Variants in ROBO2 observed in about 807,000 individuals in gnomAD.
The protein encoded by ROBO2 is roundabout homolog 2.
ROBO2 carries 53 observed loss-of-function variants against 160.8 expected under a neutral mutation model. That is an observed-to-expected ratio of 0.33 (90% CI 0.26 to 0.41). The LOEUF is 0.41. Ranked by LOEUF, ROBO2 falls within the 10% of genes least tolerant of loss-of-function variation. The probability of loss-of-function intolerance (pLI) is 1.00; values close to 1 mark genes in which losing one functional copy is unlikely to be tolerated. For missense variants in ROBO2, 1,577 were observed against 1,722.4 expected (o/e 0.92, Z 1.49); for synonymous variants, 664 against 611.7 (o/e 1.09, Z -1.26).
At chr3:77,538,395 T>C (rs1384467635) in intron 6 of ROBO2, among the ~76,000 whole-genome samples, 2 of 151,984 alleles carry the variant, frequency 1.3e-5, no homozygotes, top group East Asian at 1.9e-4. Flanking sequence ...GCCAGGATGG[T>C]CTCGATCTCC....
At chr3:77,155,911 C>T (rs1164221825) in intron 2 of ROBO2, among the ~76,000 whole-genome samples, 3 of 151,866 alleles carry the variant, frequency 2.0e-5, no homozygotes, top group African/African-American at 4.8e-5. Context: ...TTTCGTGGTC[C>T]CTTTTACAGC....
At chr3:76,523,502 A>G (rs1189946315) in intron 2 of ROBO2, among the ~76,000 whole-genome samples, 1 of 152,094 alleles carries the variant, frequency 6.6e-6, no homozygotes, top group Non-Finnish European at 1.5e-5. Flanking sequence ...TCACACAGAG[A>G]GTTAGTGTCA....
intron 2 of ROBO2, among the ~76,000 whole-genome samples, chr3:76,091,509 AC>A (rs2069235590): frequency 6.6e-6 from 1 of 152,170 alleles, no homozygotes; most frequent in South Asian, 2.1e-4. Flanking sequence ...GCTTTGGAAG[AC>A]CGTTTTGCAC....
At chr3:77,149,034 A>ATTTT (rs71104654) in intron 2 of ROBO2, among the ~76,000 whole-genome samples, 2 of 126,092 alleles carry the variant, frequency 1.6e-5, no homozygotes, top group African/African-American at 2.9e-5. Context: ...GACAAAGTAA[A>ATTTT]TTTTTTTTTT....
chr3:77,307,316 A>G (rs957415563), intron 2 of ROBO2, among the ~76,000 whole-genome samples: 1 of 152,206 alleles, frequency 6.6e-6, no homozygotes, highest in African/African-American at 2.4e-5. Flanking sequence ...TTAATATTGG[A>G]AAATTATACA....
At chr3:76,408,328 A>C (rs9877203) in intron 2 of ROBO2, among the ~76,000 whole-genome samples, 1 of 152,172 alleles carries the variant, frequency 6.6e-6, no homozygotes, top group Non-Finnish European at 1.5e-5. Context: ...AAATTCATGG[A>C]CAAAATTATA....
intron 2 of ROBO2, among the ~76,000 whole-genome samples, chr3:76,682,231 C>T (rs958749460): frequency 1.3e-5 from 2 of 152,072 alleles, no homozygotes; most frequent in Non-Finnish European, 2.9e-5. Flanking sequence ...CTAATATCAA[C>T]TATGGACTCA....
rs552000607 is a variant in ROBO2 at position 76,553,381 on chromosome 3, C to T, written c.110-544633C>T. ...GATAAATCATATGTCACATGCTACCCGGTTTTTATAACAATTTTAAACAAA... is the reference window on the plus strand; with the variant it reads ...GATAAATCATATGTCACATGCTACCTGGTTTTTATAACAATTTTAAACAAA... On this transcript the variant is annotated intron_variant, in intron 2 of 26. Coordinates refer to the ROBO2 transcript ENST00000487694. 5.3e-5 allele frequency among the ~76,000 whole-genome samples: 8 copies of T among 152,180 alleles called. No individual in the cohort carries two copies. The South Asian group carries it at 8.3e-4, about 16-fold the overall frequency.
intron 2 of ROBO2, among the ~76,000 whole-genome samples, chr3:76,122,612 T>C (rs566226452): frequency 3.9e-4 from 60 of 152,272 alleles, no homozygotes; most frequent in African/African-American, 1.4e-3. Flanking sequence ...TCTTTCAAGA[T>C]ACAGACTTTG....
At chr3:77,500,568 A>C (rs1237931039) in intron 5 of ROBO2, among the ~76,000 whole-genome samples, 1 of 152,232 alleles carries the variant, frequency 6.6e-6, no homozygotes, top group Non-Finnish European at 1.5e-5. Context: ...TAATTTTTAG[A>C]CCAACTTCGT....
chr3:76,910,587 G>A (rs539242517), intron 2 of ROBO2, among the ~76,000 whole-genome samples: 47 of 151,720 alleles, frequency 3.1e-4, no homozygotes, highest in South Asian at 6.3e-4. Context: ...TTAGCTGGGC[G>A]TGGTGGCATG....
chr3:76,248,500 G>C (rs1023067533), intron 2 of ROBO2, among the ~76,000 whole-genome samples: 4 of 145,570 alleles, frequency 2.7e-5, no homozygotes, highest in African/African-American at 1.0e-4. Flanking sequence ...GTGGGGTCGG[G>C]GGAGGGGGGA....
At chr3:76,648,242 A>G (rs1030079005) in intron 2 of ROBO2, among the ~76,000 whole-genome samples, 2 of 152,172 alleles carry the variant, frequency 1.3e-5, no homozygotes, top group African/African-American at 2.4e-5. Flanking sequence ...CTGAAGCATT[A>G]AAAATAAATC....
chr3:76,418,024 C>A (rs532054327), intron 2 of ROBO2, among the ~76,000 whole-genome samples: 1 of 151,926 alleles, frequency 6.6e-6, no homozygotes, highest in Non-Finnish European at 1.5e-5. Context: ...GAGATAAAGC[C>A]AGTTAAGCTA....
chr3:77,245,456 G>C (rs1414296463), intron 2 of ROBO2, among the ~76,000 whole-genome samples: 1 of 152,182 alleles, frequency 6.6e-6, no homozygotes, highest in African/African-American at 2.4e-5. Flanking sequence ...TTACTGCAAA[G>C]CTCATTCTCA....
rs1396885808 is a variant in ROBO2 at position 76,510,483 on chromosome 3, C to T, written c.109+572881C>T. Among the ~76,000 whole-genome samples, 3 of 152,126 alleles carry T rather than the reference C, an allele frequency of 2.0e-5. 1 individual carries two copies. The highest frequency in any genetic ancestry group is 2.0e-4 in the Admixed American group (3 of 15,274). On this transcript the variant is annotated intron_variant, in intron 2 of 26. Coordinates refer to the ROBO2 transcript ENST00000487694. Reference sequence around the variant, plus strand: ...TCACGTCTGTAATCCCAGCACTTTGCGAAGCCGAGGTGGGTGGATCACCTG... The same window carrying T: ...TCACGTCTGTAATCCCAGCACTTTGTGAAGCCGAGGTGGGTGGATCACCTG...
chr3:76,941,406 A>T (rs542801044), intron 2 of ROBO2, among the ~76,000 whole-genome samples: 1 of 152,260 alleles, frequency 6.6e-6, no homozygotes, highest in Non-Finnish European at 1.5e-5. Flanking sequence ...CCCCACTATA[A>T]TACAAATTCT....
chr3:77,497,402 A>G (rs1369731510), intron 5 of ROBO2, among the ~76,000 whole-genome samples: 1 of 152,162 alleles, frequency 6.6e-6, no homozygotes, highest in African/African-American at 2.4e-5. Flanking sequence ...AAATAGAAGA[A>G]GATGCACTTT....
chr3:76,625,734 G>C (rs888177229), intron 2 of ROBO2, among the ~76,000 whole-genome samples: 2 of 152,158 alleles, frequency 1.3e-5, no homozygotes, highest in African/African-American at 2.4e-5. Context: ...CAAATAAAAG[G>C]CATATTAGCA....
Sources: allele counts gnomAD v4.1 joint callset (sites outside exome capture counted in the v4.1 genomes callset), GRCh38; gene constraint gnomAD v4.1.1; transcripts MANE v1.5; gene names NCBI Gene and HGNC (gene_info 2026-07-23, HGNC 2026-07-21).